Variants in SLC19A1 observed in about 807,000 individuals in gnomAD.
SLC19A1 encodes reduced folate transporter.
SLC19A1 carries 37 observed loss-of-function variants against 35.3 expected under a neutral mutation model. The observed-to-expected ratio is 1.05, with a 90% CI of 0.81 to 1.38. The LOEUF (loss-of-function observed/expected upper bound fraction) is 1.38, where lower values mean the gene tolerates loss of function less well. Ranked by LOEUF, SLC19A1 falls within the 40% of genes most tolerant of loss-of-function variation. The probability of loss-of-function intolerance (pLI) is 0.00; values close to 1 mark genes in which losing one functional copy is unlikely to be tolerated. For synonymous variants in SLC19A1, 460 were observed against 398.5 expected (o/e 1.15, Z -1.84); for missense variants, 831 against 826.9 (o/e 1.00, Z -0.06).
At chr21:45,503,713 C>G (rs540540108) in intron 3 of SLC19A1, among the ~76,000 whole-genome samples, 513 of 151,480 alleles carry the variant, frequency 3.4e-3, no homozygotes, top group Non-Finnish European at 5.7e-3. Context: ...GTGCAGCACA[C>G]CAGCATGGCA....
At chr21:45,541,387 G>C (rs1411908343) in intron 1 of SLC19A1, among the ~76,000 whole-genome samples, 1 of 152,238 alleles carries the variant, frequency 6.6e-6, no homozygotes, top group Non-Finnish European at 1.5e-5. Context: ...GGGATCCTCG[G>C]GTCTCCGTAG....
rs1215969630 is a variant in SLC19A1 at position 45,513,066 on chromosome 21, C to G, written c.*2592G>C. 1 of 155,164 alleles carries G rather than the reference C, an allele frequency of 6.4e-6. No homozygotes were observed. Among genetic ancestry groups the G allele is most frequent in the Non-Finnish European group, 1.4e-5 (1 of 70,006 alleles). The allele number at this position is 155,164 out of a possible 1,614,324, so 9.6% of individuals were successfully genotyped here. On this transcript the variant is annotated 3_prime_UTR_variant, in exon 6 of 6. Coordinates refer to ENST00000311124, the MANE Select transcript of SLC19A1 (RefSeq NM_194255.4). ...GTCCTCCAACACCAAGCACAGCAGC[C>G]TGGGGCTGGCCTCCCAAATGAGCCA...
downstream of SLC19A1, chr21:45,509,540 A>C (rs1436461236): frequency 1.3e-6 from 2 of 1,538,304 alleles, no homozygotes; most frequent in Non-Finnish European, 1.7e-6. Context: ...TCCTACGTGC[A>C]CCTGCGGCCG....
intron 1 of SLC19A1, among the ~76,000 whole-genome samples, chr21:45,559,415 G>A (rs187935634): frequency 4.5e-4 from 68 of 152,306 alleles, no homozygotes; most frequent in South Asian, 2.1e-4. Flanking sequence ...GGGTGTGGGC[G>A]AGTCCCCCAT....
Position 45,537,937 on chromosome 21 carries a change from A to T in SLC19A1, c.23T>A (p.Val8Glu). ...AGGTTCCACGGGCACCTGCTTCTCC[A>T]CCGCTGGGCTGGAGGGCACCATCCT... Reference protein sequence around the residue: MVPSSPAVEKQVPVEPGP... With the variant: MVPSSPAEEKQVPVEPGP... Residue 8 changes from valine to glutamate, a missense_variant, in exon 2 of 6, where the codon GTG becomes GAG. Physicochemically the swap from Val to Glu is moderately radical, Grantham distance 121. Transcript: ENST00000311124. 1.3e-6 allele frequency: 2 copies of T among 1,580,768 alleles called. No homozygotes were observed. Among genetic ancestry groups the T allele is most frequent in the Non-Finnish European group, 1.7e-6 (2 of 1,168,120 alleles).
chr21:45,543,286 G>A (rs1219570773), upstream of SLC19A1, among the ~76,000 whole-genome samples: 1 of 152,224 alleles, frequency 6.6e-6, no homozygotes, highest in African/African-American at 2.4e-5. Context: ...GGGCCTCAGG[G>A]TCACTTTCCC....
rs1002252476 is a variant in SLC19A1, at chr21:45,526,585, AT to A, written c.1152-628del. On this transcript the variant is annotated intron_variant, in intron 4 of 5. Coordinates refer to ENST00000311124, the MANE Select transcript of SLC19A1 (RefSeq NM_194255.4). ...TATTTCAAATTCTGGATTTTTTGTT[AT>A]TTTTTTTTAGATGGAGTCTCGCTCT... Among the ~76,000 whole-genome samples the A allele has an allele frequency of 7.9e-5, 12 of 151,484 alleles. No individual in the cohort carries two copies. In the East Asian group the frequency reaches 1.2e-3, roughly 15 times the overall value.
intron 3 of SLC19A1, among the ~76,000 whole-genome samples, chr21:45,503,288 T>C (rs1007061909): frequency 6.6e-6 from 1 of 152,016 alleles, no homozygotes; most frequent in Admixed American, 6.6e-5. Context: ...TGGTATCTCA[T>C]TGTGGTTTTG....
intron 3 of SLC19A1, chr21:45,504,224 C>T (rs781613231): frequency 7.2e-5 from 67 of 931,752 alleles, no homozygotes; most frequent in Admixed American, 4.0e-4. Flanking sequence ...TTCCTGTCCC[C>T]GGCTCAGTTT....
At chr21:45,539,025 C>T (rs921959619) in intron 1 of SLC19A1, among the ~76,000 whole-genome samples, 3 of 152,234 alleles carry the variant, frequency 2.0e-5, no homozygotes, top group African/African-American at 4.8e-5. Flanking sequence ...CACCACAAAT[C>T]GTGCCTTTCA....
chr21:45,542,231 C>A (rs1245002162), intron 1 of SLC19A1, 137 bp downstream of exon 1: 1 of 149,234 alleles, frequency 6.7e-6, no homozygotes, highest in African/African-American at 2.5e-5. Context: ...CAGGGCCCCG[C>A]GGACCCCAGC....
chr21:45,504,982 G>A (rs2037103954), intron 3 of SLC19A1: 2 of 961,626 alleles, frequency 2.1e-6, no homozygotes, highest in Middle Eastern at 2.2e-4. Context: ...TGGTGTGGGG[G>A]TTTCTCAGGC....
rs2037752478 is a variant in SLC19A1, at chr21:45,513,883, G to A, written c.*1775C>T. On this transcript the variant is annotated 3_prime_UTR_variant, in exon 6 of 6. Coordinates refer to ENST00000311124, the MANE Select transcript of SLC19A1 (RefSeq NM_194255.4). The stretch of plus-strand genomic sequence containing the variant: ...TGCATGCATGGCCATACACAGGCGT[G>A]CAGTTGTACACAGGTGTGCAGGAGC... 1 of 152,280 alleles carries A rather than the reference G, an allele frequency of 6.6e-6. No individual in the cohort carries two copies. Among genetic ancestry groups the A allele is most frequent in the South Asian group, 2.1e-4 (1 of 4,832 alleles). The allele number at this position is 152,280 out of a possible 1,614,324, so 9.4% of individuals were successfully genotyped here.
At chr21:45,531,309 G>A (rs56009734) in intron 3 of SLC19A1, 80 bp downstream of exon 3, 6 of 1,505,078 alleles carry the variant, frequency 4.0e-6, no homozygotes, top group South Asian at 2.7e-5. Context: ...GGGAGCCTCC[G>A]GGGGAAGGAT....
At chr21:45,529,505 C>T (rs1277745118) in intron 4 of SLC19A1, among the ~76,000 whole-genome samples, 1 of 152,154 alleles carries the variant, frequency 6.6e-6, no homozygotes, top group Non-Finnish European at 1.5e-5. Context: ...GGAGCAGGAC[C>T]CTGTGAGCAC....
chr21:45,552,326 C>T (rs1006935509), intron 1 of SLC19A1, among the ~76,000 whole-genome samples: 1 of 152,168 alleles, frequency 6.6e-6, no homozygotes, highest in African/African-American at 2.4e-5. Context: ...TGGTCCAGCT[C>T]TCAGGAGTGT....
intron 2 of SLC19A1, among the ~76,000 whole-genome samples, chr21:45,532,449 C>G (rs551275532): frequency 1.3e-5 from 2 of 152,320 alleles, no homozygotes; most frequent in East Asian, 3.9e-4. Flanking sequence ...TTATCTCTTT[C>G]TTGGGACAGA....
At chr21:45,525,752 A>G in intron 5 of SLC19A1, 65 bp downstream of exon 5, 1 of 1,568,090 alleles carries the variant, frequency 6.4e-7, no homozygotes. Context: ...GGGCACCAGG[A>G]GGCCTCAACA....
intron 1 of SLC19A1, among the ~76,000 whole-genome samples, chr21:45,560,119 T>G (rs193274168): frequency 4.6e-4 from 70 of 151,784 alleles, no homozygotes; most frequent in African/African-American, 1.6e-3. Flanking sequence ...AGCCCTGGGG[T>G]CACTCATGGA....
Sources: allele counts gnomAD v4.1 joint callset (sites outside exome capture counted in the v4.1 genomes callset), GRCh38; gene constraint gnomAD v4.1.1; transcripts MANE v1.5; gene names NCBI Gene and HGNC (gene_info 2026-07-23, HGNC 2026-07-21).